The following FSTL4 variants were observed in gnomAD, a reference collection of about 807,000 sequenced individuals.
FSTL4 encodes the protein follistatin-related protein 4.
FSTL4 carries 28 observed loss-of-function variants against 78.2 expected under a neutral mutation model. The observed-to-expected ratio is 0.36, with a 90% CI of 0.27 to 0.49. The LOEUF is 0.49. Ranked by LOEUF, FSTL4 falls within the 20% of genes least tolerant of loss-of-function variation. The pLI is 0.98. For synonymous variants in FSTL4, 422 were observed against 440.5 expected (o/e 0.96, Z 0.53); for missense variants, 922 against 1,084.9 (o/e 0.85, Z 2.11).
chr5:133,596,093 G>A (rs1370759441), intron 2 of FSTL4, among the ~76,000 whole-genome samples: 1 of 152,210 alleles, frequency 6.6e-6, no homozygotes, highest in Non-Finnish European at 1.5e-5. Flanking sequence ...TGGGGGAGGA[G>A]GACAGCAGCC....
intron 3 of FSTL4, among the ~76,000 whole-genome samples, chr5:133,493,284 C>T (rs35285753): frequency 5.9e-5 from 9 of 151,966 alleles, no homozygotes; most frequent in Non-Finnish European, 7.4e-5. Context: ...TTTTTCCCAT[C>T]GGCATCCTGT....
At chr5:133,536,514 A>T (rs1011205587) in intron 3 of FSTL4, among the ~76,000 whole-genome samples, 1 of 152,120 alleles carries the variant, frequency 6.6e-6, no homozygotes, top group African/African-American at 2.4e-5. Flanking sequence ...GTACTTTATT[A>T]TTATAATCAA....
intron 4 of FSTL4, among the ~76,000 whole-genome samples, chr5:133,379,286 GAAAT>G (rs1236703617): frequency 6.6e-6 from 1 of 151,798 alleles, no homozygotes; most frequent in Non-Finnish European, 1.5e-5. Flanking sequence ...ACTAAAGAAA[GAAAT>G]AGATGACAAT....
At chr5:133,455,506 T>C (rs1226242971) in intron 3 of FSTL4, among the ~76,000 whole-genome samples, 1 of 152,006 alleles carries the variant, frequency 6.6e-6, no homozygotes, top group African/African-American at 2.4e-5. Context: ...TGTACCTCAT[T>C]GATTACATTT....
At position 133,484,866 on chromosome 5, in the gene FSTL4, C is replaced by T. The variant is rs116838697; in HGVS notation, c.160+82320G>A. 2.9e-3 allele frequency among the ~76,000 whole-genome samples: 438 copies of T among 152,270 alleles called. 2 individuals carry two copies. Among genetic ancestry groups the T allele is most frequent in the African/African-American group, 9.6e-3 (400 of 41,530 alleles). On this transcript the variant is annotated intron_variant, in intron 3 of 15. Coordinates refer to ENST00000265342, the MANE Select transcript of FSTL4 (RefSeq NM_015082.2). ...TAGGTGTCATAGAATTAGTTGAGAT[C>T]GTGAATGTGACAGCTCAGAGCTTTC...
chr5:133,540,246 T>C (rs1041879286), intron 3 of FSTL4, among the ~76,000 whole-genome samples: 4 of 122,444 alleles, frequency 3.3e-5, no homozygotes, highest in African/African-American at 3.4e-5. Context: ...AACACACACA[T>C]ACACACACAC....
At chr5:133,319,059 GA>G (rs1166268631) in intron 4 of FSTL4, among the ~76,000 whole-genome samples, 4 of 152,320 alleles carry the variant, frequency 2.6e-5, no homozygotes, top group African/African-American at 9.6e-5. Flanking sequence ...GCAGGTGGGG[GA>G]AACCATCCAG....
At chr5:133,740,134 T>C in the FSTL4 span, among the ~76,000 whole-genome samples, 1 of 152,158 alleles carries the variant, frequency 6.6e-6, no homozygotes, top group African/African-American at 2.4e-5. Context: ...TCTACCCACC[T>C]TGGCCTCCCA....
intron 3 of FSTL4, among the ~76,000 whole-genome samples, chr5:133,466,060 G>A (rs530169999): frequency 1.3e-5 from 2 of 152,190 alleles, no homozygotes; most frequent in East Asian, 1.9e-4. Flanking sequence ...GGAAGGAAAC[G>A]GGACATGGCC....
the FSTL4 span, among the ~76,000 whole-genome samples, chr5:133,649,666 C>G: frequency 6.6e-6 from 1 of 152,076 alleles, no homozygotes; most frequent in African/African-American, 2.4e-5. Flanking sequence ...TGGTGAGATG[C>G]CTGTTAAGGT....
chr5:133,349,367 A>G (rs906195035), intron 4 of FSTL4, among the ~76,000 whole-genome samples: 2 of 147,406 alleles, frequency 1.4e-5, no homozygotes. Context: ...CTGTAGCCCC[A>G]TCTCTCTGAG....
chr5:133,312,632 T>C (rs761948279), intron 6 of FSTL4, 22 bp downstream of exon 6: 6 of 1,612,922 alleles, frequency 3.7e-6, no homozygotes, highest in African/African-American at 1.3e-5. Context: ...ATAAGCCCTT[T>C]TCCCACTGGG....
the FSTL4 span, among the ~76,000 whole-genome samples, chr5:133,707,566 G>T: frequency 6.6e-6 from 1 of 152,132 alleles, no homozygotes; most frequent in African/African-American, 2.4e-5. Flanking sequence ...CTGGAGCCCA[G>T]AGCTCTGCAT....
At chr5:133,312,580 C>T (rs1753811572) in intron 6 of FSTL4, 74 bp downstream of exon 6, 2 of 1,418,744 alleles carry the variant, frequency 1.4e-6, no homozygotes, top group Admixed American at 1.7e-5. Flanking sequence ...AGGACAGACT[C>T]CAGGCACCCA....
the FSTL4 span, among the ~76,000 whole-genome samples, chr5:133,799,155 C>T: frequency 7.3e-6 from 1 of 137,120 alleles, no homozygotes; most frequent in Non-Finnish European, 1.6e-5. Context: ...CTGGGTTCCA[C>T]GTGCCCCTCT....
intron 3 of FSTL4, among the ~76,000 whole-genome samples, chr5:133,563,047 A>C (rs1043609301): frequency 6.6e-6 from 1 of 152,168 alleles, no homozygotes; most frequent in African/African-American, 2.4e-5. Flanking sequence ...CCTGCACTGG[A>C]AAGCACAGAG....
intron 4 of FSTL4, among the ~76,000 whole-genome samples, chr5:133,381,758 A>C (rs1360394631): frequency 1.3e-5 from 2 of 152,208 alleles, no homozygotes; most frequent in African/African-American, 2.4e-5. Context: ...AATTCTATGA[A>C]TATGCCAGTA....
intron 6 of FSTL4, among the ~76,000 whole-genome samples, chr5:133,257,150 G>A (rs1189794513): frequency 6.6e-6 from 1 of 152,196 alleles, no homozygotes; most frequent in Non-Finnish European, 1.5e-5. Flanking sequence ...TATGGAGCTG[G>A]TACCAGGAGC....
chr5:133,786,846 C>T, the FSTL4 span, among the ~76,000 whole-genome samples: 1 of 152,224 alleles, frequency 6.6e-6, no homozygotes, highest in Non-Finnish European at 1.5e-5. Flanking sequence ...ACTGTGTAAG[C>T]ACTTCCCAGG....
Sources: gnomAD v4.1 joint callset for allele counts (sites outside exome capture counted in the v4.1 genomes callset) on GRCh38, gnomAD v4.1.1 for gene constraint, MANE v1.5 for transcripts, NCBI Gene and HGNC (gene_info 2026-07-23, HGNC 2026-07-21) for gene names.